Variants in EPHB2 observed in about 807,000 individuals in gnomAD.
The protein encoded by EPHB2 is EPH receptor B2, also known as ephrin type-B receptor 2.
EPHB2 carries 18 observed loss-of-function variants against 96.4 expected under a neutral mutation model. That is an observed-to-expected ratio of 0.19 (90% CI 0.13 to 0.28). The LOEUF is 0.28. Ranked by LOEUF, EPHB2 falls within the 10% of genes least tolerant of loss-of-function variation. EPHB2 has a pLI of 1.00. For synonymous variants in EPHB2, 506 were observed against 534.1 expected (o/e 0.95, Z 0.72); for missense variants, 989 against 1,355.4 (o/e 0.73, Z 4.25).
At chr1:22,851,099 A>T (rs1289708954) in intron 3 of EPHB2, among the ~76,000 whole-genome samples, 6 of 152,052 alleles carry the variant, frequency 3.9e-5, no homozygotes, top group Non-Finnish European at 8.8e-5. Context: ...GGCTCAAGAG[A>T]TCCTCCCACC....
At chr1:22,816,119 T>G (rs1393050816) in intron 3 of EPHB2, among the ~76,000 whole-genome samples, 6 of 152,160 alleles carry the variant, frequency 3.9e-5, no homozygotes, top group Non-Finnish European at 8.8e-5. Flanking sequence ...ACCCATCTCA[T>G]CTCAGGCATC....
chr1:22,826,964 C>T (rs1645233400), intron 3 of EPHB2, among the ~76,000 whole-genome samples: 1 of 152,242 alleles, frequency 6.6e-6, no homozygotes, highest in Non-Finnish European at 1.5e-5. Flanking sequence ...TCCCCTCCCC[C>T]TGCCTTTGAC....
intron 9 of EPHB2, among the ~76,000 whole-genome samples, chr1:22,901,818 T>A (rs1304525607): frequency 7.4e-6 from 1 of 135,184 alleles, no homozygotes; most frequent in East Asian, 2.5e-4. Context: ...TGTGTGTGTG[T>A]GAGTGTGTGT....
intron 6 of EPHB2, among the ~76,000 whole-genome samples, chr1:22,884,147 C>A (rs1032351230): frequency 1.3e-5 from 2 of 152,130 alleles, no homozygotes; most frequent in African/African-American, 2.4e-5. Flanking sequence ...CGCAGGGGAC[C>A]ATGGACACTG....
chr1:22,713,332 G>A (rs528526227), intron 1 of EPHB2, among the ~76,000 whole-genome samples: 1 of 152,290 alleles, frequency 6.6e-6, no homozygotes, highest in South Asian at 2.1e-4. Flanking sequence ...CCCTGGGCCA[G>A]GTCCCTTCCC....
chr1:22,774,445 G>A (rs1570252557), intron 1 of EPHB2: 2 of 417,788 alleles, frequency 4.8e-6, no homozygotes, highest in Non-Finnish European at 6.4e-6. Flanking sequence ...CCAGGAAGAA[G>A]GAAGAAGGAG....
intron 1 of EPHB2, among the ~76,000 whole-genome samples, chr1:22,738,985 C>A (rs955857010): frequency 6.6e-6 from 1 of 152,182 alleles, no homozygotes; most frequent in Non-Finnish European, 1.5e-5. Context: ...CACAGTGAAG[C>A]ATGCTCAGGG....
At chr1:22,842,835 CT>C (rs1201893803) in intron 3 of EPHB2, among the ~76,000 whole-genome samples, 1 of 151,998 alleles carries the variant, frequency 6.6e-6, no homozygotes, top group Non-Finnish European at 1.5e-5. Flanking sequence ...TGCACTCCCC[CT>C]CTAACTCCCC....
At chr1:22,728,767 A>G (rs1643638651) in intron 1 of EPHB2, among the ~76,000 whole-genome samples, 1 of 152,190 alleles carries the variant, frequency 6.6e-6, no homozygotes, top group Non-Finnish European at 1.5e-5. Context: ...CCCGAAGGGA[A>G]AAGGCCTCTG....
intron 1 of EPHB2, among the ~76,000 whole-genome samples, chr1:22,756,875 G>A (rs1362919890): frequency 6.6e-6 from 1 of 152,190 alleles, no homozygotes; most frequent in Non-Finnish European, 1.5e-5. Context: ...TGATACGAAA[G>A]CAGTTTACTA....
chr1:22,825,947 C>G (rs978811882), intron 3 of EPHB2, among the ~76,000 whole-genome samples: 1 of 152,190 alleles, frequency 6.6e-6, no homozygotes, highest in Admixed American at 6.5e-5. Flanking sequence ...GATCCCTTGT[C>G]CCAGAGTGGC....
intron 1 of EPHB2, among the ~76,000 whole-genome samples, chr1:22,750,809 G>A (rs900218605): frequency 3.9e-5 from 6 of 152,184 alleles, no homozygotes; most frequent in African/African-American, 1.4e-4. Context: ...TATGAGACAG[G>A]TGCTATTATC....
intron 9 of EPHB2, among the ~76,000 whole-genome samples, chr1:22,896,829 C>T (rs1406411504): frequency 6.6e-6 from 1 of 152,222 alleles, no homozygotes. Context: ...GTCTCACCAC[C>T]GTGATAGTGG....
At chr1:22,895,063 CAGTCACTTTGCCTTACTA>C (rs1003473511) in intron 7 of EPHB2, among the ~76,000 whole-genome samples, 55 of 152,310 alleles carry the variant, frequency 3.6e-4, no homozygotes, top group African/African-American at 1.2e-3. Context: ...CCTTATCACA[CAGTCACTTTGCCTTACTA>C]AGTCACTTTG....
chr1:22,724,942 C>G, intron 1 of EPHB2, among the ~76,000 whole-genome samples: 1 of 152,134 alleles, frequency 6.6e-6, no homozygotes, highest in Non-Finnish European at 1.5e-5. Context: ...CCATCTCTCC[C>G]TGGTCAGTTC....
chr1:22,912,580 G>T lies in EPHB2; in HGVS notation c.2833G>T (p.Val945Leu). The change falls in exon 15 of 16, where the codon GTG becomes TTG. Residue 945 changes from valine (V) to leucine (L), a missense_variant. Physicochemically the swap from Val to Leu is conservative, Grantham distance 32. Coordinates refer to ENST00000374630, the MANE Select transcript of EPHB2 (RefSeq NM_017449.5). Reference protein sequence around the residue: ...ANAGFTSFDVVSQMMMEDILR... With the variant: ...ANAGFTSFDVLSQMMMEDILR... ...TGCCGGCTTCACCTCCTTTGACGTC[G>T]TGTCTCAGATGATGATGGAGTAAGT... 6.2e-7 allele frequency: 1 copy of T among 1,613,924 alleles called. No homozygotes were observed. The highest frequency in any genetic ancestry group is 8.5e-7 in the Non-Finnish European group (1 of 1,180,024).
intron 1 of EPHB2, among the ~76,000 whole-genome samples, chr1:22,764,975 G>A (rs955190055): frequency 4.6e-5 from 7 of 152,310 alleles, no homozygotes; most frequent in South Asian, 2.1e-4. Flanking sequence ...CACGGGAGGC[G>A]CTCAGAGAGG....
At chr1:22,865,867 A>G (rs1445171263) in intron 5 of EPHB2, among the ~76,000 whole-genome samples, 6 of 152,136 alleles carry the variant, frequency 3.9e-5, no homozygotes, top group Non-Finnish European at 8.8e-5. Context: ...TAACTCCAGC[A>G]AAACTCTCCT....
chr1:22,867,426 G>A (rs1179556529), intron 5 of EPHB2, among the ~76,000 whole-genome samples: 1 of 152,136 alleles, frequency 6.6e-6, no homozygotes, highest in East Asian at 1.9e-4. Flanking sequence ...GAGGAGTGTG[G>A]TTTTGTTTGG....
Sources: allele counts gnomAD v4.1 joint callset (sites outside exome capture counted in the v4.1 genomes callset), GRCh38; gene constraint gnomAD v4.1.1; transcripts MANE v1.5; gene names NCBI Gene and HGNC (gene_info 2026-07-23, HGNC 2026-07-21).